Variants in WDFY3 observed in about 807,000 individuals in gnomAD.
The protein encoded by WDFY3 is WD repeat and FYVE domain-containing protein 3.
WDFY3 carries 66 observed loss-of-function variants against 409.6 expected under a neutral mutation model. That is an observed-to-expected ratio of 0.16 (90% CI 0.13 to 0.20). The LOEUF is 0.20. Ranked by LOEUF, WDFY3 falls within the 10% of genes least tolerant of loss-of-function variation. The pLI is 1.00. For synonymous variants in WDFY3, 1,521 were observed against 1,537.1 expected (o/e 0.99, Z 0.25); for missense variants, 3,031 against 4,298.1 (o/e 0.71, Z 8.24).
At chr4:84,789,679 C>A in intron 22 of WDFY3, 47 bp downstream of exon 22, 1 of 1,519,662 alleles carries the variant, frequency 6.6e-7, no homozygotes, top group Non-Finnish European at 9.1e-7. Flanking sequence ...ACCCCCCAAA[C>A]TACTACCTTA....
At chr4:84,793,022 C>A (rs1271033470) in intron 21 of WDFY3, among the ~76,000 whole-genome samples, 1 of 152,058 alleles carries the variant, frequency 6.6e-6, no homozygotes, top group African/African-American at 2.4e-5. Flanking sequence ...TGGAAGTGGG[C>A]ACAGGGAGGA....
At chr4:84,822,561 T>C (rs916806208) in intron 10 of WDFY3, among the ~76,000 whole-genome samples, 1 of 151,910 alleles carries the variant, frequency 6.6e-6, no homozygotes, top group African/African-American at 2.4e-5. Flanking sequence ...TAGCTGGGGA[T>C]GGTGGCATGT....
intron 25 of WDFY3, among the ~76,000 whole-genome samples, chr4:84,782,585 T>C (rs896031961): frequency 2.0e-5 from 3 of 152,172 alleles, no homozygotes; most frequent in Admixed American, 1.3e-4. Flanking sequence ...CCCGTCCCTG[T>C]GTCCGTATGT....
chr4:84,887,246 C>T (rs777338017), intron 3 of WDFY3, among the ~76,000 whole-genome samples: 2 of 152,130 alleles, frequency 1.3e-5, no homozygotes, highest in South Asian at 4.1e-4. Flanking sequence ...TCAGGGAAAC[C>T]TAATCTAGCT....
At chr4:84,869,895 G>A (rs1465735996) in intron 3 of WDFY3, among the ~76,000 whole-genome samples, 1 of 152,008 alleles carries the variant, frequency 6.6e-6, no homozygotes, top group African/African-American at 2.4e-5. Flanking sequence ...TAAAAACAAA[G>A]TACAATTTTT....
intron 47 of WDFY3, among the ~76,000 whole-genome samples, chr4:84,719,651 C>T (rs1179191784): frequency 1.3e-5 from 2 of 152,110 alleles, no homozygotes; most frequent in Non-Finnish European, 1.5e-5. Context: ...ATATTTTATG[C>T]ATATACATAC....
chr4:84,694,151 T>A (rs1729722610), intron 58 of WDFY3, among the ~76,000 whole-genome samples: 1 of 152,216 alleles, frequency 6.6e-6, no homozygotes. Flanking sequence ...CTCAAATCTT[T>A]AAATGTTTTA....
At chr4:84,760,332 GA>G (rs1438276233) in intron 32 of WDFY3, among the ~76,000 whole-genome samples, 4 of 152,034 alleles carry the variant, frequency 2.6e-5, no homozygotes, top group African/African-American at 9.7e-5. Flanking sequence ...ATGAGTTAGG[GA>G]GGATTCCCTC....
chr4:84,879,703 GGAGA>G (rs1763237867), intron 3 of WDFY3, among the ~76,000 whole-genome samples: 1 of 151,770 alleles, frequency 6.6e-6, no homozygotes, highest in African/African-American at 2.4e-5. Flanking sequence ...CTAGAAATTG[GGAGA>G]GAAATATTTG....
At chr4:84,792,435 T>C (rs374095266) in intron 21 of WDFY3, among the ~76,000 whole-genome samples, 2 of 152,220 alleles carry the variant, frequency 1.3e-5, no homozygotes, top group Admixed American at 6.5e-5. Flanking sequence ...TTCTCAAGTA[T>C]TGAAGAAGAT....
At chr4:84,678,098 G>C in intron 66 of WDFY3, 70 bp downstream of exon 66, 1 of 1,094,860 alleles carries the variant, frequency 9.1e-7, no homozygotes, top group Non-Finnish European at 1.4e-6. Context: ...AGACTGGGCT[G>C]GAGTATGTGG....
In WDFY3 at chr4:84,678,983, C is replaced by T; in HGVS notation, c.10083G>A (p.Gln3361=). The T allele has an allele frequency of 6.2e-7, 1 of 1,614,192 alleles. No individual in the cohort carries two copies. ...TGGGGTGGGGGTGGCTAAGGGGGCC[C>T]TGCAGATGGGCTCTGGTCTGGCCCT... ...YSEGQTRAHL[Q]GPLSHPHPNP... is the part of the protein sequence containing the mutation. Residue 3361 remains glutamine, a synonymous_variant, in exon 65 of 68, where the codon CAG becomes CAA. Coordinates refer to ENST00000295888, the MANE Select transcript of WDFY3 (RefSeq NM_014991.6).
chr4:84,764,027 T>G (rs1743170400), intron 32 of WDFY3, among the ~76,000 whole-genome samples: 1 of 152,220 alleles, frequency 6.6e-6, no homozygotes, highest in African/African-American at 2.4e-5. Flanking sequence ...TTATATTCAT[T>G]AGGCTTATTT....
intron 58 of WDFY3, among the ~76,000 whole-genome samples, chr4:84,693,810 G>A (rs983993434): frequency 1.3e-5 from 2 of 151,118 alleles, no homozygotes; most frequent in Non-Finnish European, 2.9e-5. Flanking sequence ...CAGGAGAATC[G>A]CTTGAACCCA....
At chr4:84,687,205 G>A (rs1199088489) in intron 62 of WDFY3, among the ~76,000 whole-genome samples, 2 of 151,740 alleles carry the variant, frequency 1.3e-5, no homozygotes, top group African/African-American at 4.8e-5. Flanking sequence ...GTGCAGTGGA[G>A]CGATCTTGGC....
At position 84,750,252 on chromosome 4, in the gene WDFY3, T is replaced by G. The variant is rs200127912; in HGVS notation, c.5973+1231A>C. Among the ~76,000 whole-genome samples the G allele has an allele frequency of 3.3e-5, 5 of 152,320 alleles. No homozygotes were observed. In the East Asian group the frequency reaches 9.6e-4, roughly 29 times the overall value. Reference sequence around the variant, plus strand: ...GAGACGTTCCATTGGGCCTGCTTTTTAATTCTACCACATGCATTAGTGAGG... The same window carrying G: ...GAGACGTTCCATTGGGCCTGCTTTTGAATTCTACCACATGCATTAGTGAGG... On this transcript the variant is annotated intron_variant, in intron 36 of 67. Transcript: ENST00000295888.
intron 27 of WDFY3, among the ~76,000 whole-genome samples, chr4:84,777,275 A>T (rs1370355181): frequency 6.6e-6 from 1 of 152,048 alleles, no homozygotes; most frequent in Admixed American, 6.6e-5. Context: ...TTGAGGATCA[A>T]CTCCACAGAG....
intron 2 of WDFY3, among the ~76,000 whole-genome samples, chr4:84,913,148 C>T (rs1473102075): frequency 6.6e-6 from 1 of 152,158 alleles, no homozygotes; most frequent in Non-Finnish European, 1.5e-5. Context: ...AACCCAAACA[C>T]AACATCTCTA....
At chr4:84,778,011 G>A (rs1380496203) in intron 27 of WDFY3, among the ~76,000 whole-genome samples, 1 of 152,102 alleles carries the variant, frequency 6.6e-6, no homozygotes, top group Non-Finnish European at 1.5e-5. Flanking sequence ...GACAGCCTGA[G>A]CAAAGGGGAA....
Sources: allele counts gnomAD v4.1 joint callset (sites outside exome capture counted in the v4.1 genomes callset), GRCh38; gene constraint gnomAD v4.1.1; transcripts MANE v1.5; gene names NCBI Gene and HGNC (gene_info 2026-07-23, HGNC 2026-07-21).